Variants in CALCRL observed in about 807,000 individuals in gnomAD.
CALCRL encodes calcitonin gene-related peptide type 1 receptor.
A neutral mutation model predicts 60.4 loss-of-function variants in CALCRL; 27 were observed. That is an observed-to-expected ratio of 0.45 (90% CI 0.33 to 0.62). CALCRL has a LOEUF of 0.62. Among genes scored for constraint, CALCRL ranks in the 20% least tolerant of loss-of-function variants. The probability of loss-of-function intolerance (pLI) is 0.03; values close to 1 mark genes in which losing one functional copy is unlikely to be tolerated. For synonymous variants in CALCRL, 190 were observed against 182.6 expected, an observed-to-expected ratio of 1.04 and a Z score of -0.33; for missense variants, 424 against 540.7, an observed-to-expected ratio of 0.78 and a Z score of 2.14.
intron 1 of CALCRL, among the ~76,000 whole-genome samples, chr2:187,423,671 AAGGCATTGTTTT>A (rs1169279116): frequency 6.6e-6 from 1 of 152,028 alleles, no homozygotes; most frequent in Admixed American, 6.6e-5. Context: ...CCTATGTGTC[AAGGCATTGTTTT>A]CTGGATCATT....
At chr2:187,442,013 T>C (rs2105911220) in intron 1 of CALCRL, 1 of 150,954 alleles carries the variant, frequency 6.6e-6, no homozygotes, top group East Asian at 2.0e-4. Flanking sequence ...TGTCTGTCTT[T>C]TGAATTCTGT....
chr2:187,349,166 T>G (rs546396097), intron 14 of CALCRL, among the ~76,000 whole-genome samples: 100 of 151,816 alleles, frequency 6.6e-4, no homozygotes, highest in African/African-American at 2.3e-3. Context: ...CCCTCAGGTG[T>G]TGTTAAATAT....
At chr2:187,443,871 T>TA (rs140663893) in intron 1 of CALCRL, among the ~76,000 whole-genome samples, 198 of 151,852 alleles carry the variant, frequency 1.3e-3, no homozygotes, top group African/African-American at 4.3e-3. Context: ...ATATGCAAAA[T>TA]ATCTGTGTAA....
At chr2:187,411,265 A>G (rs139579437) in intron 1 of CALCRL, among the ~76,000 whole-genome samples, 1 of 152,320 alleles carries the variant, frequency 6.6e-6, no homozygotes, top group East Asian at 1.9e-4. Context: ...ATTATGTAAT[A>G]TCTCTATATA....
In CALCRL at chr2:187,359,960, G is replaced by A. The variant is rs547563132; in HGVS notation, c.781+638C>T. Among the ~76,000 whole-genome samples, 7 of 152,100 alleles carry A rather than the reference G, an allele frequency of 4.6e-5. No individual in the cohort carries two copies. The East Asian group carries it at 1.4e-3, about 29-fold the overall frequency. On this transcript the variant is annotated intron_variant, in intron 10 of 14. Transcript: ENST00000392370. ...TAGATAGATGATAGGGTAGATAGAT[G>A]ATAATAGATAAGTACAACTTCAGTT...
Position 187,405,046 on chromosome 2 carries a change from T to A in CALCRL, c.-292-17290A>T, listed in dbSNP as rs189379828. Among the ~76,000 whole-genome samples, 252 of 152,084 alleles carry A rather than the reference T, an allele frequency of 1.7e-3. 1 individual carries two copies. The highest frequency in any genetic ancestry group is 5.8e-3 in the African/African-American group (241 of 41,518). On this transcript the variant is annotated intron_variant, in intron 1 of 14. Transcript: ENST00000392370. ...GGAATGCAGGCAGAAACCTAACCTGTAAGCTTTACCTTCTGTAGCTCTAAG... is the reference window on the plus strand; with the variant it reads ...GGAATGCAGGCAGAAACCTAACCTGAAAGCTTTACCTTCTGTAGCTCTAAG...
intron 1 of CALCRL, among the ~76,000 whole-genome samples, chr2:187,396,855 C>T (rs562554368): frequency 6.6e-6 from 1 of 151,680 alleles, no homozygotes; most frequent in African/African-American, 2.4e-5. Flanking sequence ...CAAAGAGATA[C>T]TGAAATTTTT....
At chr2:187,397,377 T>C (rs961937420) in intron 1 of CALCRL, among the ~76,000 whole-genome samples, 1 of 151,550 alleles carries the variant, frequency 6.6e-6, no homozygotes, top group African/African-American at 2.4e-5. Context: ...AGGATATCAA[T>C]CTAGTTAATA....
At chr2:187,418,847 T>C (rs1049097458) in intron 1 of CALCRL, among the ~76,000 whole-genome samples, 1 of 144,928 alleles carries the variant, frequency 6.9e-6, no homozygotes, top group African/African-American at 2.5e-5. Flanking sequence ...TTGTGTTTTT[T>C]TTTCTTTTTT....
At position 187,430,650 on chromosome 2, in the gene CALCRL, ACT is replaced by A. The variant is rs142863525; in HGVS notation, c.-293+17387_-293+17388del. On this transcript the variant is annotated intron_variant, in intron 1 of 14. Transcript: ENST00000392370. ...GTTAATGCCCAGGATTGAAAATGAG[ACT>A]CTCAGAGTGGCCAGGGAGTTCTAAA... Among the ~76,000 whole-genome samples the A allele has an allele frequency of 9.0e-3, 1,374 of 152,104 alleles. 20 individuals carry two copies. The highest frequency in any genetic ancestry group is 0.031 in the African/African-American group (1,302 of 41,506).
chr2:187,369,325 A>G (rs984017070), intron 8 of CALCRL, among the ~76,000 whole-genome samples: 2 of 152,138 alleles, frequency 1.3e-5, no homozygotes, highest in Non-Finnish European at 2.9e-5. Flanking sequence ...TCCAAAACCA[A>G]CCAACCAAAC....
At chr2:187,414,839 T>C (rs1386263205) in intron 1 of CALCRL, among the ~76,000 whole-genome samples, 2 of 151,826 alleles carry the variant, frequency 1.3e-5, no homozygotes, top group African/African-American at 4.8e-5. Context: ...CTATTTTCTT[T>C]GAATCTCAGA....
chr2:187,368,472 A>C (rs1438098183), intron 8 of CALCRL, among the ~76,000 whole-genome samples: 1 of 152,132 alleles, frequency 6.6e-6, no homozygotes, highest in Non-Finnish European at 1.5e-5. Context: ...TACATAAAGC[A>C]ACCTAAATTA....
intron 1 of CALCRL, among the ~76,000 whole-genome samples, chr2:187,418,833 A>T (rs1689733355): frequency 6.7e-6 from 1 of 150,144 alleles, no homozygotes; most frequent in African/African-American, 2.4e-5. Context: ...AATTTCTTAG[A>T]AACTTGTGTT....
intron 1 of CALCRL, among the ~76,000 whole-genome samples, chr2:187,408,296 G>C (rs1689220154): frequency 6.6e-6 from 1 of 151,852 alleles, no homozygotes; most frequent in African/African-American, 2.4e-5. Context: ...AAACATTTTT[G>C]GATTTTGTTT....
rs757937407 is a variant in CALCRL at position 187,380,599 on chromosome 2, G to A, written c.296-20C>T. The A allele has an allele frequency of 2.5e-6, 4 of 1,585,396 alleles. No homozygotes were observed. Among genetic ancestry groups the A allele is most frequent in the South Asian group, 2.2e-5 (2 of 90,262 alleles). On this transcript the variant is annotated intron_variant, in intron 6 of 14. Coordinates refer to ENST00000392370, the MANE Select transcript of CALCRL (RefSeq NM_005795.6). ...CTTTTTCTTTAAAATTAAAAAAAAA[G>A]GGAAAACAGGAATTTAATTAACCTA...
chr2:187,430,785 T>A (rs527809096), intron 1 of CALCRL, among the ~76,000 whole-genome samples: 1 of 152,124 alleles, frequency 6.6e-6, no homozygotes, highest in Non-Finnish European at 1.5e-5. Flanking sequence ...AATATAACAG[T>A]GACAATGTGA....
chr2:187,367,615 T>C (rs1387076688), intron 8 of CALCRL, among the ~76,000 whole-genome samples: 1 of 152,120 alleles, frequency 6.6e-6, no homozygotes, highest in Non-Finnish European at 1.5e-5. Context: ...TGTATATTTT[T>C]TCAAATATTA....
rs999895377 is a variant in CALCRL at position 187,426,214 on chromosome 2, T to A, written c.-293+21825A>T. Among the ~76,000 whole-genome samples the A allele has an allele frequency of 4.7e-5, 7 of 150,516 alleles. No homozygotes were observed. In the East Asian group the frequency reaches 1.4e-3, roughly 29 times the overall value. The stretch of plus-strand genomic sequence containing the variant: ...GATGAGCACGTAACACTTTAAAATC[T>A]GTGAAGTTATGGTGTCTGTCATTTA... On this transcript the variant is annotated intron_variant, in intron 1 of 14. Coordinates refer to ENST00000392370, the MANE Select transcript of CALCRL (RefSeq NM_005795.6).
Sources: allele counts gnomAD v4.1 joint callset (sites outside exome capture counted in the v4.1 genomes callset), GRCh38; gene constraint gnomAD v4.1.1; transcripts MANE v1.5; gene names NCBI Gene and HGNC (gene_info 2026-07-23, HGNC 2026-07-21).